FRAS1: variants seen among roughly 807,000 people sequenced by gnomAD.
FRAS1 encodes Fraser extracellular matrix complex subunit 1, also known as extracellular matrix organizing protein FRAS1.
In FRAS1, 290 loss-of-function variants were observed where a neutral mutation model predicts 435.2. That is an observed-to-expected ratio of 0.67 (90% CI 0.61 to 0.73). FRAS1 has a LOEUF of 0.73. FRAS1 is among the 30% of genes least tolerant of loss of function. The pLI is 0.00. For missense variants in FRAS1, 4,860 were observed against 5,001.5 expected (o/e 0.97, Z 0.85); for synonymous variants, 1,800 against 1,851.0 (o/e 0.97, Z 0.71).
At chr4:78,391,921 A>G (rs1732460072) in intron 29 of FRAS1, among the ~76,000 whole-genome samples, 1 of 152,176 alleles carries the variant, frequency 6.6e-6, no homozygotes. Flanking sequence ...TAAAATGTCT[A>G]TTTCTTATGA....
intron 2 of FRAS1, among the ~76,000 whole-genome samples, chr4:78,171,220 AT>A (rs1483889098): frequency 1.3e-5 from 2 of 151,916 alleles, no homozygotes; most frequent in South Asian, 2.1e-4. Flanking sequence ...AATAACTGCA[AT>A]TTCACATCAA....
At position 78,451,762 on chromosome 4, in the gene FRAS1, CT is replaced by C; in HGVS notation, c.6464-5del. 1 of 1,574,372 alleles carries C rather than the reference CT, an allele frequency of 6.4e-7. No individual in the cohort carries two copies. Among genetic ancestry groups the C allele is most frequent in the Non-Finnish European group, 8.6e-7 (1 of 1,165,578 alleles). On this transcript the variant is annotated splice_polypyrimidine_tract_variant and intron_variant, in intron 45 of 73. Coordinates refer to ENST00000512123, the MANE Select transcript of FRAS1 (RefSeq NM_025074.7). The stretch of plus-strand genomic sequence containing the variant: ...TAATAGCAAATCTTGATTTTTTTTC[CT>C]TTTTATAGGCCACGTAGAATATAGT...
At position 78,521,608 on chromosome 4, in the gene FRAS1, C is replaced by A; in HGVS notation, c.10626C>A (p.Phe3542Leu). The A allele has an allele frequency of 6.2e-7, 1 of 1,608,384 alleles. No individual in the cohort carries two copies. Among genetic ancestry groups the A allele is most frequent in the Non-Finnish European group, 8.5e-7 (1 of 1,177,126 alleles). The change falls in exon 68 of 74, where the codon TTC becomes TTA. Residue 3542 changes from phenylalanine to leucine, a missense_variant. Physicochemically the swap from Phe to Leu is conservative, Grantham distance 22. Transcript: ENST00000512123. ...AGGATGGCCGTCTTGTCATTGAATT[C>A]AAGACCCATGCCAAATTCAGAGGTA... ...IREDGRLVIEFKTHAKFRGQF... is the reference protein window; with the variant it reads ...IREDGRLVIELKTHAKFRGQF...
At chr4:78,538,645 GA>G (rs1721956558) in intron 72 of FRAS1, among the ~76,000 whole-genome samples, 1 of 152,112 alleles carries the variant, frequency 6.6e-6, no homozygotes, top group South Asian at 2.1e-4. Context: ...GAGCAGAGGG[GA>G]AAAAGCCTCT....
chr4:78,363,077 C>T (rs1731137155), intron 20 of FRAS1, among the ~76,000 whole-genome samples: 1 of 152,138 alleles, frequency 6.6e-6, no homozygotes, highest in African/African-American at 2.4e-5. Context: ...CAGGGACTCA[C>T]CCGCCCTGTC....
At chr4:78,383,942 A>C (rs1732119372) in intron 27 of FRAS1, 117 bp from the exon 28 acceptor site, 2 of 685,982 alleles carry the variant, frequency 2.9e-6, no homozygotes, top group East Asian at 2.8e-5. Flanking sequence ...ACATTACTGC[A>C]GCAGTTTGAT....
chr4:78,421,807 A>G (rs1010147124), intron 33 of FRAS1, 56 bp from the exon 34 acceptor site: 17 of 1,598,116 alleles, frequency 1.1e-5, no homozygotes, highest in Non-Finnish European at 1.7e-6. Flanking sequence ...GGCTCTAGTC[A>G]TTCAGTCAGT....
intron 20 of FRAS1, among the ~76,000 whole-genome samples, chr4:78,360,916 T>C (rs1225176557): frequency 6.6e-6 from 1 of 152,254 alleles, no homozygotes; most frequent in East Asian, 1.9e-4. Flanking sequence ...TCTTTTATGT[T>C]TCTCTAATTG....
chr4:78,262,400 C>G (rs1456819290), intron 6 of FRAS1, among the ~76,000 whole-genome samples: 2 of 152,190 alleles, frequency 1.3e-5, no homozygotes, highest in Non-Finnish European at 2.9e-5. Flanking sequence ...AGGGCTAACT[C>G]TTTGCCTCAA....
intron 2 of FRAS1, among the ~76,000 whole-genome samples, chr4:78,237,196 T>C (rs1378241): frequency 0.97 from 147,488 of 152,226 alleles, 71,604 homozygotes; most frequent in East Asian, 1. Context: ...AACAGCAAAG[T>C]GAAACTTCAA....
intron 18 of FRAS1, among the ~76,000 whole-genome samples, 177 bp downstream of exon 18, chr4:78,319,163 C>T (rs1729399092): frequency 6.6e-6 from 1 of 152,220 alleles, no homozygotes; most frequent in Non-Finnish European, 1.5e-5. Context: ...AGCCTCCCTC[C>T]CTTTGTGAAC....
At chr4:78,385,189 C>G (rs1373010017) in intron 28 of FRAS1, among the ~76,000 whole-genome samples, 1 of 152,012 alleles carries the variant, frequency 6.6e-6, no homozygotes, top group African/African-American at 2.4e-5. Context: ...TGTAGCTGCT[C>G]TAGAAACTGG....
chr4:78,275,849 T>G (rs1239612181), intron 9 of FRAS1, among the ~76,000 whole-genome samples: 1 of 152,190 alleles, frequency 6.6e-6, no homozygotes, highest in African/African-American at 2.4e-5. Flanking sequence ...TTCCTCAATT[T>G]GAATGTTGGC....
chr4:78,114,739 G>T (rs1275961881), intron 2 of FRAS1, among the ~76,000 whole-genome samples: 1 of 152,218 alleles, frequency 6.6e-6, no homozygotes, highest in Non-Finnish European at 1.5e-5. Context: ...CTGATACGAT[G>T]GGGTTTTCTA....
intron 6 of FRAS1, among the ~76,000 whole-genome samples, chr4:78,259,713 G>T (rs1264345303): frequency 7.5e-5 from 11 of 147,118 alleles, no homozygotes; most frequent in Non-Finnish European, 1.1e-4. Flanking sequence ...TTAGTTTAAT[G>T]AGATCCCATT....
chr4:78,279,621 A>T (rs1431453881), intron 10 of FRAS1, among the ~76,000 whole-genome samples: 1 of 152,114 alleles, frequency 6.6e-6, no homozygotes, highest in African/African-American at 2.4e-5. Context: ...GCAAAACTCT[A>T]TTTACTAAGG....
At chr4:78,069,122 A>G (rs1237000667) in intron 2 of FRAS1, among the ~76,000 whole-genome samples, 1 of 152,232 alleles carries the variant, frequency 6.6e-6, no homozygotes, top group Non-Finnish European at 1.5e-5. Flanking sequence ...TCCCTGTTCC[A>G]AACTTTGTAA....
At chr4:78,534,841 T>A (rs1721831796) in intron 71 of FRAS1, among the ~76,000 whole-genome samples, 3 of 152,218 alleles carry the variant, frequency 2.0e-5, no homozygotes, top group Admixed American at 6.5e-5. Flanking sequence ...GGCAGTGTGA[T>A]GCCATGGGAA....
intron 2 of FRAS1, among the ~76,000 whole-genome samples, chr4:78,182,261 G>C (rs373644181): frequency 1.6e-4 from 25 of 152,358 alleles, no homozygotes; most frequent in Middle Eastern, 3.4e-3. Flanking sequence ...ACCGTGTTGT[G>C]GTTATATGAT....
Sources: allele counts gnomAD v4.1 joint callset (sites outside exome capture counted in the v4.1 genomes callset), GRCh38; gene constraint gnomAD v4.1.1; transcripts MANE v1.5; gene names NCBI Gene and HGNC (gene_info 2026-07-23, HGNC 2026-07-21).